Variants in CCDC136 observed in about 807,000 individuals in gnomAD.
CCDC136 encodes the protein coiled-coil domain-containing protein 136.
CCDC136 carries 100 observed loss-of-function variants against 141.2 expected under a neutral mutation model. The observed-to-expected ratio is 0.71, with a 90% CI of 0.60 to 0.84. CCDC136 has a LOEUF of 0.84. Ranked by LOEUF, CCDC136 falls within the 40% of genes least tolerant of loss-of-function variation. CCDC136 has a pLI of 0.00. For missense variants in CCDC136, 1,206 were observed against 1,379.4 expected, an observed-to-expected ratio of 0.87 and a Z score of 1.99; for synonymous variants, 474 against 531.9, an observed-to-expected ratio of 0.89 and a Z score of 1.50.
rs1269708384 is a variant in CCDC136 at position 128,817,334 on chromosome 7, A to G, written c.3364-424A>G. Reference sequence around the variant, plus strand: ...GATCTAAGGGACCAGAGCCCAAAATACTAAGAAACTTAATGGAAAGCAGGC... The same window carrying G: ...GATCTAAGGGACCAGAGCCCAAAATGCTAAGAAACTTAATGGAAAGCAGGC... On this transcript the variant is annotated intron_variant, in intron 16 of 17. Coordinates refer to ENST00000297788, the MANE Select transcript of CCDC136 (RefSeq NM_022742.5). This position sits in a 1 kb window ranked among gnomAD's most constrained non-coding sequence, Gnocchi z 4.6. Among the ~76,000 whole-genome samples, 5 of 152,160 alleles carry G rather than the reference A, an allele frequency of 3.3e-5. No homozygotes were observed. Among genetic ancestry groups the G allele is most frequent in the African/African-American group, 9.7e-5 (4 of 41,436 alleles).
intron 10 of CCDC136, 79 bp from the exon 11 acceptor site, chr7:128,809,371 C>A: frequency 2.1e-6 from 2 of 942,458 alleles, no homozygotes; most frequent in South Asian, 1.6e-5. Context: ...GGCAGGAGAG[C>A]GCAGAAGTGC....
chr7:128,806,318 A>C lies in CCDC136; in HGVS notation c.1171A>C (p.Met391Leu). The C allele has an allele frequency of 6.3e-7, 1 of 1,596,090 alleles. No homozygotes were observed. Among genetic ancestry groups the C allele is most frequent in the Non-Finnish European group, 8.5e-7 (1 of 1,171,178 alleles). Residue 391 changes from methionine to leucine, a missense_variant, in exon 8 of 18, where the codon ATG becomes CTG. Physicochemically the swap from Met to Leu is conservative, Grantham distance 15. Transcript: ENST00000297788. ...GGATGAGCAGAACGAGCTCTTGAAGATGCAGCTGCAACTTCAGACTGAGCT... is the reference window on the plus strand; with the variant it reads ...GGATGAGCAGAACGAGCTCTTGAAGCTGCAGCTGCAACTTCAGACTGAGCT... ...SQDEQNELLKMQLQLQTELRQ... is the reference protein window; with the variant it reads ...SQDEQNELLKLQLQLQTELRQ...
chr7:128,800,031 A>G (rs923716578), intron 3 of CCDC136, among the ~76,000 whole-genome samples: 4 of 152,200 alleles, frequency 2.6e-5, no homozygotes, highest in Non-Finnish European at 5.9e-5. Context: ...ACCTTACCAC[A>G]TGTTATCCCA....
At chr7:128,812,593 C>T (rs557222120) in intron 13 of CCDC136, 115 bp from the exon 14 acceptor site, 43 of 814,324 alleles carry the variant, frequency 5.3e-5, no homozygotes, top group Non-Finnish European at 6.9e-5. Context: ...TAATCCCCCG[C>T]GGGCATCTCT....
chr7:128,802,941 T>G (rs1195112530), intron 4 of CCDC136, among the ~76,000 whole-genome samples: 1 of 152,234 alleles, frequency 6.6e-6, no homozygotes, highest in East Asian at 1.9e-4. Context: ...AACTATCAAG[T>G]CTAATGCTTA....
In CCDC136 at chr7:128,814,756, A is replaced by G; in HGVS notation, c.2882A>G (p.Gln961Arg). Residue 961 changes from glutamine to arginine, a missense_variant, in exon 15 of 18, where the codon CAG becomes CGG. Coordinates refer to ENST00000297788, the MANE Select transcript of CCDC136 (RefSeq NM_022742.5). ...EQLEGQLQCC[Q>R]EELRQLREKR... ...CTGGAGGGGCAGCTGCAGTGCTGCC[A>G]GGAGGAGCTCCGCCAGCTCAGGGAG... 1.2e-6 allele frequency: 2 copies of G among 1,613,708 alleles called. No individual in the cohort carries two copies. The highest frequency in any genetic ancestry group is 2.2e-5 in the East Asian group (1 of 44,874).
At chr7:128,813,263 G>T (rs921790176) in intron 14 of CCDC136, among the ~76,000 whole-genome samples, 1 of 151,978 alleles carries the variant, frequency 6.6e-6, no homozygotes, top group Non-Finnish European at 1.5e-5. Flanking sequence ...CTTGTCTCCC[G>T]GTGCACCAAC....
Position 128,794,409 on chromosome 7 carries a change from G to C in CCDC136, c.78G>C (p.Glu26Asp). Residue 26 changes from glutamate (E) to aspartate (D), a missense_variant, in exon 2 of 18, where the codon GAG (glutamate) becomes GAC (aspartate). Physicochemically the swap from Glu to Asp is conservative, Grantham distance 45. Coordinates refer to ENST00000297788, the MANE Select transcript of CCDC136 (RefSeq NM_022742.5). The surrounding 1 kb of genome is among the most constrained non-coding windows in gnomAD (Gnocchi z 4.3). ...EEEEEEEEEE[E>D]VEEEEEQVQK... ...AGGAAGAGGAAGAGGAGGAAGAAGA[G>C]GTGGAAGAAGAAGAAGAACAAGTGC... 6.4e-7 allele frequency: 1 copy of C among 1,554,526 alleles called. No individual in the cohort carries two copies. Among genetic ancestry groups the C allele is most frequent in the African/African-American group, 1.4e-5 (1 of 73,214 alleles).
At chr7:128,798,599 C>T (rs2128899658) in intron 3 of CCDC136, among the ~76,000 whole-genome samples, 2 of 152,116 alleles carry the variant, frequency 1.3e-5, no homozygotes, top group Middle Eastern at 6.8e-3. Context: ...GAGAGTTGAA[C>T]CCTAACATCA....
Position 128,814,833 on chromosome 7 carries a change from A to G in CCDC136, c.2959A>G (p.Met987Val). 1 of 1,610,538 alleles carries G rather than the reference A, an allele frequency of 6.2e-7. No individual in the cohort carries two copies. Among genetic ancestry groups the G allele is most frequent in the Non-Finnish European group, 8.5e-7 (1 of 1,178,308 alleles). The change falls in exon 15 of 18, where the codon ATG (methionine) becomes GTG (valine). Residue 987 changes from methionine to valine, a missense_variant. By Grantham distance (21) the Met-to-Val change is conservative. Transcript: ENST00000297788. ...EARGKNANKN[M>V]NKNANGVKMK... ...CCGGGGGAAGAATGCTAATAAGAACATGAACAAGAATGCCAATGGGGTTAA... is the reference window on the plus strand; with the variant it reads ...CCGGGGGAAGAATGCTAATAAGAACGTGAACAAGAATGCCAATGGGGTTAA...
In CCDC136 at chr7:128,806,829, G is replaced by C. The variant is rs1804922934; in HGVS notation, c.1390G>C (p.Val464Leu). The C allele has an allele frequency of 1.9e-6, 3 of 1,611,736 alleles. No homozygotes were observed. The highest frequency in any genetic ancestry group is 1.7e-6 in the Non-Finnish European group (2 of 1,179,044). The change falls in exon 9 of 18, where the codon GTG (valine) becomes CTG (leucine). Residue 464 changes from valine (V) to leucine (L), a missense_variant. By Grantham distance (32) the Val-to-Leu change is conservative. Transcript: ENST00000297788. Reference sequence around the variant, plus strand: ...AGAGCTGCAGCACCTCAGGGATACGGTGGCCTCCTTCAAAGAGAGCAATGA... The same window carrying C: ...AGAGCTGCAGCACCTCAGGGATACGCTGGCCTCCTTCAAAGAGAGCAATGA... ...EAELQHLRDT[V>L]ASFKESNEKD...
At position 128,821,933 on chromosome 7, in the gene CCDC136, G is replaced by A; in HGVS notation, c.*140G>A. On this transcript the variant is annotated 3_prime_UTR_variant, in exon 18 of 18. Coordinates refer to ENST00000297788, the MANE Select transcript of CCDC136 (RefSeq NM_022742.5). This position sits in a 1 kb window ranked among gnomAD's most constrained non-coding sequence, Gnocchi z 5.1. ...GATGGCAGACCTTGGCCAGCGCGAG[G>A]GCAGATCCCCAGTGGCCACCACCCT... is the stretch of plus-strand genomic sequence containing the variant. 7.8e-7 allele frequency: 1 copy of A among 1,289,704 alleles called. No homozygotes were observed. Among genetic ancestry groups the A allele is most frequent in the Non-Finnish European group, 1.0e-6 (1 of 988,862 alleles). The allele number at this position is 1,289,704 out of a possible 1,614,324, so 79.9% of individuals were successfully genotyped here. A position where few individuals can be genotyped will look rare whatever the true frequency, so the allele number is the denominator to read the frequency against.
intron 3 of CCDC136, among the ~76,000 whole-genome samples, chr7:128,795,639 C>T (rs1342224850): frequency 6.6e-6 from 1 of 152,024 alleles, no homozygotes; most frequent in East Asian, 1.9e-4. Flanking sequence ...TGGCAGGACA[C>T]GTGTCACATA....
At position 128,794,785 on chromosome 7, in the gene CCDC136, G is replaced by T. The variant is rs1802698719; in HGVS notation, c.346+17G>T. On this transcript the variant is annotated intron_variant, in intron 3 of 17. Coordinates refer to ENST00000297788, the MANE Select transcript of CCDC136 (RefSeq NM_022742.5). The surrounding 1 kb of genome is among the most constrained non-coding windows in gnomAD (Gnocchi z 4.3). ...AGCTCCAAGGTAATTCCCAGGACTT[G>T]GACTGGAGGGAGGTGGCCATCCAAG... The T allele has an allele frequency of 6.5e-7, 1 of 1,549,096 alleles. No individual in the cohort carries two copies. The highest frequency in any genetic ancestry group is 1.4e-5 in the African/African-American group (1 of 72,996).
At position 128,821,445 on chromosome 7, in the gene CCDC136, C is replaced by T. The variant is rs1807422875; in HGVS notation, c.*6-354C>T. On this transcript the variant is annotated intron_variant, in intron 17 of 17. Transcript: ENST00000297788. This position sits in a 1 kb window ranked among gnomAD's most constrained non-coding sequence, Gnocchi z 5.1. ...GAGGTGCTGCTGCTTTTCTCAAAGC[C>T]CCAGATTTCCCCTCCTCTTTCTTGC... 6.6e-6 allele frequency among the ~76,000 whole-genome samples: 1 copy of T among 152,182 alleles called. No homozygotes were observed. The highest frequency in any genetic ancestry group is 2.4e-5 in the African/African-American group (1 of 41,442).
chr7:128,811,619 G>A (rs1805726349), intron 12 of CCDC136, among the ~76,000 whole-genome samples, 181 bp from the exon 13 acceptor site: 1 of 152,160 alleles, frequency 6.6e-6, no homozygotes, highest in Non-Finnish European at 1.5e-5. Flanking sequence ...TCCCAAATGA[G>A]CAAGAAACTG....
rs903909754 is a variant in CCDC136, at chr7:128,805,968, C to G, written c.1089+67C>G. The G allele has an allele frequency of 6.4e-7, 1 of 1,574,616 alleles. No individual in the cohort carries two copies. The highest frequency in any genetic ancestry group is 8.7e-7 in the Non-Finnish European group (1 of 1,149,420). On this transcript the variant is annotated intron_variant, in intron 7 of 17. Transcript: ENST00000297788. This position sits in a 1 kb window ranked among gnomAD's most constrained non-coding sequence, Gnocchi z 4.6. ...GGCCTCATGGAGGGGCTGCTTCAAC[C>G]GGGGTGGGCACAGTGAGTATGGCTG...
In CCDC136 at chr7:128,794,335, C is replaced by A. The variant is rs554434384; in HGVS notation, c.17-13C>A. The A allele has an allele frequency of 1.2e-5, 19 of 1,551,918 alleles. No individual in the cohort carries two copies. The highest frequency in any genetic ancestry group is 1.2e-4 in the Admixed American group (6 of 50,994). On this transcript the variant is annotated splice_polypyrimidine_tract_variant and intron_variant, in intron 1 of 17. Transcript: ENST00000297788. This position sits in a 1 kb window ranked among gnomAD's most constrained non-coding sequence, Gnocchi z 4.3. ...TGATGCTGACTCCTTGGTGGGATGG[C>A]TGTGTCTCCTAGGGGAGGTGTTACT...
At chr7:128,795,432 C>T (rs370061774) in intron 3 of CCDC136, among the ~76,000 whole-genome samples, 5 of 151,754 alleles carry the variant, frequency 3.3e-5, no homozygotes, top group Admixed American at 6.6e-5. Context: ...CCCTAGAAAA[C>T]GGCAGGGACT....
Sources: allele counts gnomAD v4.1 joint callset (sites outside exome capture counted in the v4.1 genomes callset), GRCh38; gene constraint gnomAD v4.1.1; non-coding constraint Gnocchi (gnomAD v3.1); transcripts MANE v1.5; gene names NCBI Gene and HGNC (gene_info 2026-07-23, HGNC 2026-07-21).